ATP8A1: variants seen among roughly 807,000 people sequenced by gnomAD.
The protein encoded by ATP8A1 is ATPase phospholipid transporting 8A1.
A neutral mutation model predicts 177.7 loss-of-function variants in ATP8A1; 90 were observed. The ratio of observed to expected loss-of-function variants is 0.51; its 90% CI spans 0.43 to 0.60. ATP8A1 has a LOEUF of 0.60. Among genes scored for constraint, ATP8A1 ranks in the 20% least tolerant of loss-of-function variants. The pLI, the probability that ATP8A1 is intolerant of heterozygous loss-of-function variation, is 0.00. For synonymous variants in ATP8A1, 493 were observed against 485.9 expected, an observed-to-expected ratio of 1.01 and a Z score of -0.19; for missense variants, 1,072 against 1,392.8, an observed-to-expected ratio of 0.77 and a Z score of 3.67.
At position 42,627,115 on chromosome 4, in the gene ATP8A1, A is replaced by G. The variant is rs1325489795; in HGVS notation, c.50-6T>C. On this transcript the variant is annotated splice_polypyrimidine_tract_variant and splice_region_variant and intron_variant, in intron 1 of 36. Coordinates refer to ENST00000381668, the MANE Select transcript of ATP8A1 (RefSeq NM_006095.2). ...ATCATCTGTCTTCTCATAACCTTAAAAAGAGATCTTCTTATTGTACAAGAA... is the reference window on the plus strand; with the variant it reads ...ATCATCTGTCTTCTCATAACCTTAAGAAGAGATCTTCTTATTGTACAAGAA... The G allele has an allele frequency of 5.6e-6, 9 of 1,594,336 alleles. No homozygotes were observed. Among genetic ancestry groups the G allele is most frequent in the Non-Finnish European group, 7.7e-6 (9 of 1,162,404 alleles).
chr4:42,633,864 T>C (rs962531534), intron 1 of ATP8A1, among the ~76,000 whole-genome samples: 1 of 152,156 alleles, frequency 6.6e-6, no homozygotes, highest in African/African-American at 2.4e-5. Flanking sequence ...AGTTGAGACC[T>C]TGATGACACA....
At chr4:42,616,876 G>C (rs556968570) in intron 4 of ATP8A1, among the ~76,000 whole-genome samples, 1 of 152,246 alleles carries the variant, frequency 6.6e-6, no homozygotes, top group East Asian at 1.9e-4. Flanking sequence ...TTTTCTCTCC[G>C]GTTCACCTAG....
chr4:42,435,450 CAAAAAAAAAA>C (rs11306070), intron 33 of ATP8A1, among the ~76,000 whole-genome samples: 234 of 116,942 alleles, frequency 2.0e-3, no homozygotes, highest in Middle Eastern at 9.4e-3. Context: ...AAAAAAAAAA[CAAAAAAAAAA>C]AAACAAACTA....
At chr4:42,413,658 A>G (rs191842606) in intron 36 of ATP8A1, among the ~76,000 whole-genome samples, 1 of 152,326 alleles carries the variant, frequency 6.6e-6, no homozygotes, top group Non-Finnish European at 1.5e-5. Flanking sequence ...AGTGGATTCA[A>G]TGTAGTATTT....
chr4:42,598,465 A>G (rs889118415), intron 6 of ATP8A1, among the ~76,000 whole-genome samples: 1 of 152,112 alleles, frequency 6.6e-6, no homozygotes, highest in Non-Finnish European at 1.5e-5. Context: ...ATCTTTACAC[A>G]CTGTTCATTT....
At chr4:42,591,093 T>C (rs575223220) in intron 6 of ATP8A1, among the ~76,000 whole-genome samples, 1 of 152,304 alleles carries the variant, frequency 6.6e-6, no homozygotes, top group Admixed American at 6.5e-5. Context: ...TTGAGGGTTA[T>C]TTATTTGCTT....
chr4:42,618,098 C>G (rs1737095161), intron 4 of ATP8A1, among the ~76,000 whole-genome samples: 1 of 152,196 alleles, frequency 6.6e-6, no homozygotes, highest in South Asian at 2.1e-4. Flanking sequence ...CACGAATAAA[C>G]TGTATTGTAT....
chr4:42,530,890 A>T (rs1727198865), intron 20 of ATP8A1, among the ~76,000 whole-genome samples: 1 of 152,202 alleles, frequency 6.6e-6, no homozygotes, highest in Admixed American at 6.5e-5. Flanking sequence ...ATCCACTAGC[A>T]ACATTTTTGC....
At chr4:42,545,603 AT>A (rs1474471023) in intron 19 of ATP8A1, among the ~76,000 whole-genome samples, 1 of 152,142 alleles carries the variant, frequency 6.6e-6, no homozygotes, top group Non-Finnish European at 1.5e-5. Context: ...CACCTTCTCC[AT>A]TCTCCAAGTC....
At chr4:42,519,995 T>G (rs192796273) in intron 22 of ATP8A1, among the ~76,000 whole-genome samples, 2 of 152,174 alleles carry the variant, frequency 1.3e-5, no homozygotes, top group East Asian at 1.9e-4. Context: ...TAAATTTTAA[T>G]GTAGCTCATG....
At chr4:42,520,634 G>C (rs538189135) in intron 22 of ATP8A1, among the ~76,000 whole-genome samples, 1 of 152,218 alleles carries the variant, frequency 6.6e-6, no homozygotes, top group African/African-American at 2.4e-5. Flanking sequence ...AAGTCTCCTG[G>C]TGTGTGTATA....
chr4:42,472,371 T>C, intron 25 of ATP8A1: 1 of 380,394 alleles, frequency 2.6e-6, no homozygotes, highest in Non-Finnish European at 5.1e-6. Context: ...TCCCAGAGTT[T>C]CCATTGTAAA....
chr4:42,580,764 A>C (rs1334972291), intron 10 of ATP8A1, among the ~76,000 whole-genome samples: 1 of 152,208 alleles, frequency 6.6e-6, no homozygotes, highest in African/African-American at 2.4e-5. Flanking sequence ...ACTGTTTTCC[A>C]CACCCATCTG....
intron 19 of ATP8A1, among the ~76,000 whole-genome samples, chr4:42,546,131 C>T (rs1425740447): frequency 6.6e-6 from 1 of 152,070 alleles, no homozygotes; most frequent in Admixed American, 6.6e-5. Context: ...CTCCTCTCAT[C>T]TCACTTTCTC....
intron 15 of ATP8A1, among the ~76,000 whole-genome samples, chr4:42,563,330 T>A (rs954741854): frequency 3.3e-5 from 5 of 152,218 alleles, no homozygotes; most frequent in African/African-American, 1.2e-4. Context: ...GATTAGGGTA[T>A]CTGGCGGAAG....
chr4:42,599,766 A>G (rs1410223626), intron 6 of ATP8A1, among the ~76,000 whole-genome samples: 2 of 152,182 alleles, frequency 1.3e-5, no homozygotes, highest in Non-Finnish European at 2.9e-5. Context: ...CCCAGGAAAT[A>G]AAGTGCCCTA....
intron 20 of ATP8A1, among the ~76,000 whole-genome samples, chr4:42,540,436 AG>A (rs1449726320): frequency 6.6e-6 from 1 of 151,040 alleles, no homozygotes; most frequent in African/African-American, 2.5e-5. Flanking sequence ...AAGTACCCAA[AG>A]GAAAAAAAAA....
At chr4:42,542,171 G>A (rs1057138490) in intron 20 of ATP8A1, among the ~76,000 whole-genome samples, 14 of 151,852 alleles carry the variant, frequency 9.2e-5, no homozygotes, top group African/African-American at 2.9e-4. Context: ...TTTTGCTGGG[G>A]ACTTAAAATT....
intron 24 of ATP8A1, among the ~76,000 whole-genome samples, chr4:42,497,085 ATTTC>A (rs1723354529): frequency 1.3e-5 from 2 of 152,194 alleles, no homozygotes; most frequent in South Asian, 4.1e-4. Context: ...CTGCTGGAAT[ATTTC>A]TTTCTGCAAA....
Sources: gnomAD v4.1 joint callset for allele counts (sites outside exome capture counted in the v4.1 genomes callset) on GRCh38, gnomAD v4.1.1 for gene constraint, MANE v1.5 for transcripts, NCBI Gene and HGNC (gene_info 2026-07-23, HGNC 2026-07-21) for gene names.